The following ZNF75D variants were observed in gnomAD, a reference collection of about 807,000 sequenced individuals.
The protein encoded by ZNF75D is zinc finger protein 75.
ZNF75D carries 33 observed loss-of-function variants against 33.3 expected under a neutral mutation model. The observed-to-expected ratio is 0.99, with a 90% CI of 0.75 to 1.32. The LOEUF (loss-of-function observed/expected upper bound fraction) is 1.32, where lower values mean the gene tolerates loss of function less well. Among genes scored for constraint, ZNF75D ranks in the 40% most tolerant of loss-of-function variants. The probability of loss-of-function intolerance (pLI) is 0.00; values close to 1 mark genes in which losing one functional copy is unlikely to be tolerated. For missense variants in ZNF75D, 338 were observed against 367.5 expected (o/e 0.92, Z 0.66); for synonymous variants, 113 against 130.6 (o/e 0.87, Z 0.92).
chrX:135,263,600 C>T (rs781972248), intron 1 of ZNF75D, among the ~76,000 whole-genome samples: 6 of 112,928 alleles, frequency 5.3e-5, no homozygotes, highest in African/African-American at 9.6e-5. Context: ...AGCAAGGCTC[C>T]GTGGGTGTGG....
intron 1 of ZNF75D, among the ~76,000 whole-genome samples, chrX:135,258,059 A>ATG (rs1569485401): frequency 1.8e-5 from 2 of 108,352 alleles, no homozygotes; most frequent in East Asian, 5.7e-4. Context: ...GAGAACATGC[A>ATG]GTGTTTGGTT....
chrX:135,318,088 T>TATATATA (rs201356298), intron 1 of ZNF75D, among the ~76,000 whole-genome samples: 2 of 88,250 alleles, frequency 2.3e-5, no homozygotes, highest in African/African-American at 4.2e-5. Context: ...TATATATATA[T>TATATATA]TTTTTTTTTT....
At chrX:135,324,606 T>C (rs1487496676) in intron 1 of ZNF75D, among the ~76,000 whole-genome samples, 1 of 112,651 alleles carries the variant, frequency 8.9e-6, no homozygotes, top group Non-Finnish European at 1.9e-5. Context: ...CCAGTAACAC[T>C]GTAGTCAGAG....
At chrX:135,256,898 A>C (rs1269900851) in intron 1 of ZNF75D, among the ~76,000 whole-genome samples, 2 of 111,895 alleles carry the variant, frequency 1.8e-5, no homozygotes, top group Non-Finnish European at 3.8e-5. Flanking sequence ...TCCAGGCCCT[A>C]GCTCCTGGGC....
chrX:135,287,117 G>A lies in ZNF75D; in HGVS notation c.*20C>T. 8.7e-7 allele frequency: 1 copy of A among 1,151,781 alleles called. No homozygotes were observed. The highest frequency in any genetic ancestry group is 1.2e-6 in the Non-Finnish European group (1 of 855,840). The allele number at this position is 1,151,781 out of a possible 1,213,427, so 94.9% of individuals were successfully genotyped here. A position where few individuals can be genotyped will look rare whatever the true frequency, so the allele number is the denominator to read the frequency against. On this transcript the variant is annotated 3_prime_UTR_variant, in exon 7 of 7. Transcript: ENST00000370766. ...ATTCTTTCACCACTTCTAAAGTCAA[G>A]CTCTACATGGTAACTTTCCTCAGTT...
intron 1 of ZNF75D, chrX:135,298,503 C>G (rs1317557619): frequency 9.0e-6 from 1 of 111,378 alleles, no homozygotes; most frequent in African/African-American, 3.3e-5. Flanking sequence ...AGATTCAATT[C>G]TAAAATTGGT....
chrX:135,324,707 C>T (rs782113594), intron 1 of ZNF75D, among the ~76,000 whole-genome samples: 2 of 112,410 alleles, frequency 1.8e-5, no homozygotes, highest in South Asian at 3.7e-4. Context: ...TTAGTATCAC[C>T]GGCAGCAGGG....
intron 1 of ZNF75D, among the ~76,000 whole-genome samples, chrX:135,272,304 C>T (rs908223894): frequency 2.9e-5 from 3 of 102,168 alleles, no homozygotes; most frequent in Non-Finnish European, 4.0e-5. Flanking sequence ...TGAGATTTTC[C>T]AGATCTCCTT....
At chrX:135,285,525 G>A (rs1041604043), downstream of ZNF75D, among the ~76,000 whole-genome samples, 2 of 112,327 alleles carry the variant, frequency 1.8e-5, no homozygotes, top group Non-Finnish European at 3.8e-5. Flanking sequence ...TAAAAGCTGG[G>A]CAAGTAGACA....
chrX:135,322,150 G>C (rs998208239), intron 1 of ZNF75D, among the ~76,000 whole-genome samples: 2 of 112,010 alleles, frequency 1.8e-5, no homozygotes, highest in Non-Finnish European at 3.8e-5. Context: ...CAGCTGGACC[G>C]GCAAAGCAGA....
At chrX:135,328,653 A>G (rs1249724851) in intron 1 of ZNF75D, among the ~76,000 whole-genome samples, 1 of 112,118 alleles carries the variant, frequency 8.9e-6, no homozygotes, top group African/African-American at 3.3e-5. Context: ...CTGGTAAAAC[A>G]GAGGATGCCA....
chrX:135,281,190 T>C (rs1295599767), downstream of ZNF75D, among the ~76,000 whole-genome samples: 1 of 110,178 alleles, frequency 9.1e-6, no homozygotes, highest in East Asian at 2.9e-4. Context: ...TTCCTTTTCA[T>C]TCTTTTTTCT....
At chrX:135,268,505 C>T (rs1556416557) in intron 1 of ZNF75D, among the ~76,000 whole-genome samples, 1 of 109,968 alleles carries the variant, frequency 9.1e-6, no homozygotes, top group African/African-American at 3.3e-5. Flanking sequence ...ATTTACAATA[C>T]TCAGAAATAA....
intron 1 of ZNF75D, chrX:135,330,697 A>T (rs868938714): frequency 2.4e-4 from 27 of 112,694 alleles, no homozygotes; most frequent in Non-Finnish European, 4.1e-4. Flanking sequence ...AATTTTTTTT[A>T]AAAAGTATTA....
At chrX:135,332,932 G>A (rs1433721907) in intron 1 of ZNF75D, among the ~76,000 whole-genome samples, 2 of 111,945 alleles carry the variant, frequency 1.8e-5, no homozygotes, top group African/African-American at 3.3e-5. Flanking sequence ...CTTCATGGAG[G>A]TTGTATAGTA....
chrX:135,321,716 A>G (rs1980756325), intron 1 of ZNF75D, among the ~76,000 whole-genome samples: 1 of 112,106 alleles, frequency 8.9e-6, no homozygotes. Flanking sequence ...AAGTATGTAA[A>G]AGCTGGAAAA....
At chrX:135,289,627 GACACACACACACACAC>G (rs60550937) in intron 6 of ZNF75D, among the ~76,000 whole-genome samples, 152 of 88,912 alleles carry the variant, frequency 1.7e-3, no homozygotes, top group Middle Eastern at 6.0e-3. Context: ...CACACACACA[GACACACACACACACAC>G]ACACACACAC....
At chrX:135,269,444 CT>C (rs1384249240) in intron 1 of ZNF75D, among the ~76,000 whole-genome samples, 1 of 112,168 alleles carries the variant, frequency 8.9e-6, no homozygotes, top group Non-Finnish European at 1.9e-5. Context: ...GACAAAAGAT[CT>C]GAATAGACAT....
intron 5 of ZNF75D, 166 bp from the exon 6 acceptor site, chrX:135,291,301 T>C: frequency 1.2e-6 from 1 of 802,708 alleles, no homozygotes; most frequent in Admixed American, 3.0e-5. Context: ...GATCAGTAAA[T>C]CACCTGGGAG....
Sources: allele counts gnomAD v4.1 joint callset (sites outside exome capture counted in the v4.1 genomes callset), GRCh38; gene constraint gnomAD v4.1.1; transcripts MANE v1.5; gene names NCBI Gene and HGNC (gene_info 2026-07-23, HGNC 2026-07-21).